Variants in MAP2K1 observed in about 807,000 individuals in gnomAD.
MAP2K1 encodes dual specificity mitogen-activated protein kinase kinase 1.
Under a neutral mutation model 46.3 loss-of-function variants are expected in MAP2K1, and 16 were observed. That is an observed-to-expected ratio of 0.35 (90% CI 0.23 to 0.52). The LOEUF is 0.52. MAP2K1 is among the 20% of genes least tolerant of loss of function. MAP2K1 has a pLI of 0.94. For missense variants in MAP2K1, 263 were observed against 497.1 expected (o/e 0.53, Z 4.48); for synonymous variants, 183 against 185.6 (o/e 0.99, Z 0.11).
intron 1 of MAP2K1, among the ~76,000 whole-genome samples, chr15:66,414,023 C>A (rs964702305): frequency 1.7e-4 from 24 of 144,166 alleles, no homozygotes; most frequent in Non-Finnish European, 2.8e-4. Flanking sequence ...TTATCATCAT[C>A]TTAGACTTGT....
intron 5 of MAP2K1, among the ~76,000 whole-genome samples, chr15:66,457,413 C>T (rs1482093362): frequency 6.6e-6 from 1 of 152,142 alleles, no homozygotes; most frequent in East Asian, 1.9e-4. Flanking sequence ...AGCCACTGTG[C>T]CCTGCTGGAA....
At chr15:66,464,420 G>A (rs571210164) in intron 5 of MAP2K1, among the ~76,000 whole-genome samples, 40 of 152,202 alleles carry the variant, frequency 2.6e-4, no homozygotes, top group Admixed American at 1.0e-3. Flanking sequence ...TTCTTTTGAA[G>A]TTGTCTAGCT....
At chr15:66,392,842 C>G (rs973520184) in intron 1 of MAP2K1, among the ~76,000 whole-genome samples, 3 of 152,142 alleles carry the variant, frequency 2.0e-5, no homozygotes, top group African/African-American at 7.2e-5. Context: ...CGTGAGCCAC[C>G]ATGCCTGGCC....
chr15:66,479,721 G>C (rs1467615177), intron 5 of MAP2K1, among the ~76,000 whole-genome samples: 1 of 152,044 alleles, frequency 6.6e-6, no homozygotes. Context: ...GATACAGTTT[G>C]GGCTCAGGGC....
At chr15:66,459,568 A>G (rs928790237) in intron 5 of MAP2K1, among the ~76,000 whole-genome samples, 5 of 151,572 alleles carry the variant, frequency 3.3e-5, no homozygotes, top group African/African-American at 7.3e-5. Context: ...CAGTGAGCCA[A>G]GATCACACCA....
chr15:66,443,241 G>T, intron 3 of MAP2K1, 39 bp from the exon 4 acceptor site: 1 of 1,297,962 alleles, frequency 7.7e-7, no homozygotes, highest in Non-Finnish European at 1.1e-6. Flanking sequence ...AGAATAGTTA[G>T]AACATTGTCA....
At chr15:66,420,855 G>GTGTATATGTATATGTGTATATATATA (rs1567003243) in intron 1 of MAP2K1, among the ~76,000 whole-genome samples, 1 of 104,120 alleles carries the variant, frequency 9.6e-6, no homozygotes, top group African/African-American at 4.4e-5. Flanking sequence ...GTATATATAT[G>GTGTATATGTATATGTGTATATATATA]TGTGTATATA....
intron 1 of MAP2K1, among the ~76,000 whole-genome samples, chr15:66,415,892 C>T (rs2093423470): frequency 6.6e-6 from 1 of 152,092 alleles, no homozygotes; most frequent in Admixed American, 6.5e-5. Context: ...TTACTTTAGA[C>T]TATATATTTC....
intron 5 of MAP2K1, among the ~76,000 whole-genome samples, chr15:66,456,195 G>C (rs1285484827): frequency 6.6e-6 from 1 of 152,160 alleles, no homozygotes; most frequent in East Asian, 1.9e-4. Context: ...GCTCATAAAT[G>C]AATTGTGTCC....
intron 5 of MAP2K1, among the ~76,000 whole-genome samples, chr15:66,477,261 T>C (rs1014654803): frequency 1.3e-5 from 2 of 152,196 alleles, no homozygotes; most frequent in East Asian, 1.9e-4. Context: ...AGAGATCAGA[T>C]ACAAGGACAG....
At chr15:66,398,868 G>A (rs1352925333) in intron 1 of MAP2K1, among the ~76,000 whole-genome samples, 3 of 151,916 alleles carry the variant, frequency 2.0e-5, no homozygotes, top group Non-Finnish European at 4.4e-5. Context: ...CCGTCTCCCG[G>A]GTTCAAGTGA....
intron 1 of MAP2K1, among the ~76,000 whole-genome samples, chr15:66,418,328 T>A (rs2093429233): frequency 6.6e-6 from 1 of 152,178 alleles, no homozygotes; most frequent in Non-Finnish European, 1.5e-5. Flanking sequence ...TTATGAGGTT[T>A]AACTGATTGG....
At chr15:66,389,875 C>G (rs2093352804) in intron 1 of MAP2K1, among the ~76,000 whole-genome samples, 1 of 152,030 alleles carries the variant, frequency 6.6e-6, no homozygotes, top group South Asian at 2.1e-4. Flanking sequence ...GGTTTTGTGA[C>G]CTGGTTCAAG....
At chr15:66,407,043 G>T (rs2093399052) in intron 1 of MAP2K1, among the ~76,000 whole-genome samples, 1 of 152,058 alleles carries the variant, frequency 6.6e-6, no homozygotes, top group African/African-American at 2.4e-5. Context: ...AGCTGGAAGG[G>T]GTCCCCAGGA....
chr15:66,490,190 A>G, intron 10 of MAP2K1: 3 of 534,310 alleles, frequency 5.6e-6, no homozygotes, highest in East Asian at 3.4e-5. Flanking sequence ...ATAGTATATA[A>G]TATGCACTAA....
chr15:66,461,351 G>A (rs1403420068), intron 5 of MAP2K1, among the ~76,000 whole-genome samples: 2 of 151,966 alleles, frequency 1.3e-5, no homozygotes, highest in African/African-American at 4.8e-5. Flanking sequence ...CGGGTGTGGT[G>A]GTGGGCACCT....
intron 5 of MAP2K1, 142 bp from the exon 6 acceptor site, chr15:66,481,613 A>G (rs1892916859): frequency 2.2e-6 from 2 of 911,838 alleles, no homozygotes; most frequent in African/African-American, 3.3e-5. Flanking sequence ...CAGTGTTTGC[A>G]AGCCAAGGGC....
At chr15:66,449,003 C>CAAAAAAAAAAAAAAAAA (rs59398424) in intron 5 of MAP2K1, among the ~76,000 whole-genome samples, 2 of 47,944 alleles carry the variant, frequency 4.2e-5, no homozygotes, top group African/African-American at 8.8e-5. Context: ...GACACTGTCT[C>CAAAAAAAAAAAAAAAAA]AAAAAAAAAA....
chr15:66,395,901 C>G (rs2093366437), intron 1 of MAP2K1, among the ~76,000 whole-genome samples: 1 of 152,024 alleles, frequency 6.6e-6, no homozygotes. Context: ...ATACTTGCCA[C>G]TACACTTTAA....
Sources: allele counts gnomAD v4.1 joint callset (sites outside exome capture counted in the v4.1 genomes callset), GRCh38; gene constraint gnomAD v4.1.1; transcripts MANE v1.5; gene names NCBI Gene and HGNC (gene_info 2026-07-23, HGNC 2026-07-21).